Variants in AFF3 observed in about 807,000 individuals in gnomAD.
The protein encoded by AFF3 is AF4/FMR2 family member 3.
A neutral mutation model predicts 129.7 loss-of-function variants in AFF3; 32 were observed. The ratio of observed to expected loss-of-function variants is 0.25; its 90% confidence interval spans 0.19 to 0.33. The LOEUF (loss-of-function observed/expected upper bound fraction) is 0.33, where lower values mean the gene tolerates loss of function less well. AFF3 is among the 10% of genes least tolerant of loss of function. AFF3 has a pLI of 1.00. For missense variants in AFF3, 1,373 were observed against 1,592.0 expected (o/e 0.86, Z 2.34); for synonymous variants, 644 against 635.4 (o/e 1.01, Z -0.20).
chr2:100,006,806 C>T lies in AFF3; in HGVS notation c.699G>A (p.Ala233=), dbSNP rs749652366. The T allele has an allele frequency of 2.0e-5, 33 of 1,614,094 alleles. No homozygotes were observed. The highest frequency in any genetic ancestry group is 1.0e-4 in the Admixed American group (6 of 60,012). ...KPSLVQQKPT[A]YVRPMDGQDQ... ...CTTGGCCGTCCATTGGCCTCACATA[C>T]GCGGTCGGTTTCTGCTGGACCAGGC... The change falls in exon 7 of 25, where the codon GCG becomes GCA. Residue 233 remains alanine (A), a synonymous_variant. Transcript: ENST00000672756.
At chr2:99,688,087 C>T (rs1675248876) in intron 11 of AFF3, among the ~76,000 whole-genome samples, 1 of 152,178 alleles carries the variant, frequency 6.6e-6, no homozygotes, top group African/African-American at 2.4e-5. Context: ...CGTGATCCGC[C>T]CGCCTCGGCC....
At chr2:100,117,638 A>G (rs1474971506) in intron 2 of AFF3, among the ~76,000 whole-genome samples, 1 of 152,222 alleles carries the variant, frequency 6.6e-6, no homozygotes, top group Non-Finnish European at 1.5e-5. Context: ...TTCTGCTGAC[A>G]ACATTTCATT....
At chr2:99,978,616 T>A (rs1315862833) in intron 7 of AFF3, among the ~76,000 whole-genome samples, 1 of 152,022 alleles carries the variant, frequency 6.6e-6, no homozygotes, top group Non-Finnish European at 1.5e-5. Flanking sequence ...CACTATAATC[T>A]CACTATCTGT....
intron 11 of AFF3, among the ~76,000 whole-genome samples, chr2:99,697,185 G>T (rs757858474): frequency 6.6e-6 from 1 of 152,212 alleles, no homozygotes; most frequent in East Asian, 1.9e-4. Context: ...AAGCTGGCGA[G>T]GGCGTGTTTT....
chr2:99,969,642 C>T (rs892461870), intron 7 of AFF3, among the ~76,000 whole-genome samples: 5 of 152,016 alleles, frequency 3.3e-5, no homozygotes, highest in African/African-American at 1.2e-4. Flanking sequence ...GTGCCTGCCA[C>T]CCCACCCAGG....
At chr2:99,895,807 G>A (rs572609014) in intron 7 of AFF3, among the ~76,000 whole-genome samples, 3 of 152,218 alleles carry the variant, frequency 2.0e-5, no homozygotes, top group South Asian at 2.1e-4. Flanking sequence ...GGTGGCTCAC[G>A]CCTGGAATCC....
At chr2:99,788,549 C>T (rs962859968) in intron 8 of AFF3, among the ~76,000 whole-genome samples, 1 of 152,104 alleles carries the variant, frequency 6.6e-6, no homozygotes, top group Non-Finnish European at 1.5e-5. Flanking sequence ...GTTGTTTGTG[C>T]TTAAACTAAG....
At chr2:100,105,663 C>G (rs569795398) in intron 2 of AFF3, 80 bp from the exon 3 acceptor site, 4 of 1,346,386 alleles carry the variant, frequency 3.0e-6, no homozygotes, top group African/African-American at 3.0e-5. Context: ...GCTCTTCCCC[C>G]TGGCTTACTT....
rs544541679 is a variant in AFF3 at position 99,557,373 on chromosome 2, G to A, written c.3285+1502C>T. 9.3e-5 allele frequency among the ~76,000 whole-genome samples: 14 copies of A among 149,982 alleles called. 1 individual carries two copies. Among genetic ancestry groups the A allele is most frequent in the Admixed American group, 2.0e-4 (3 of 14,956 alleles). Reference sequence around the variant, plus strand: ...CTGCTCACTGCAACCTCTGCCTCCCGGGTTCAAACGATTCTCGTGCCTCAG... The same window carrying A: ...CTGCTCACTGCAACCTCTGCCTCCCAGGTTCAAACGATTCTCGTGCCTCAG... On this transcript the variant is annotated intron_variant, in intron 22 of 24. Transcript: ENST00000672756.
At chr2:99,864,325 A>T (rs1416668470) in intron 7 of AFF3, among the ~76,000 whole-genome samples, 1 of 152,194 alleles carries the variant, frequency 6.6e-6, no homozygotes, top group East Asian at 1.9e-4. Context: ...AAAAGTCCCT[A>T]CATGTACCAC....
chr2:100,122,737 T>C (rs1183071378), intron 2 of AFF3, among the ~76,000 whole-genome samples: 2 of 152,232 alleles, frequency 1.3e-5, no homozygotes, highest in African/African-American at 4.8e-5. Flanking sequence ...TTTTCTAAAA[T>C]GAGCATTTCC....
chr2:99,672,328 A>C (rs773964029), intron 12 of AFF3, among the ~76,000 whole-genome samples: 7 of 152,188 alleles, frequency 4.6e-5, no homozygotes, highest in Non-Finnish European at 8.8e-5. Flanking sequence ...TCTCAATATC[A>C]TAAAAAATTA....
At chr2:99,930,078 A>C (rs906544397) in intron 7 of AFF3, among the ~76,000 whole-genome samples, 1 of 152,198 alleles carries the variant, frequency 6.6e-6, no homozygotes, top group African/African-American at 2.4e-5. Context: ...GAAAACACTG[A>C]TTCTGGGCTA....
chr2:99,587,869 G>T (rs1052315139), intron 15 of AFF3, among the ~76,000 whole-genome samples: 4 of 151,964 alleles, frequency 2.6e-5, no homozygotes, highest in Non-Finnish European at 5.9e-5. Flanking sequence ...AATTAGCCAG[G>T]TGTGGTGGTG....
At chr2:99,711,038 C>T (rs1677842152) in intron 11 of AFF3, among the ~76,000 whole-genome samples, 1 of 152,128 alleles carries the variant, frequency 6.6e-6, no homozygotes, top group Non-Finnish European at 1.5e-5. Context: ...GCGACAGGAG[C>T]CAGGCTTCCT....
At chr2:99,932,021 C>T (rs1696706543) in intron 7 of AFF3, among the ~76,000 whole-genome samples, 1 of 152,136 alleles carries the variant, frequency 6.6e-6, no homozygotes, top group Admixed American at 6.5e-5. Flanking sequence ...TTAAATGGCA[C>T]AGACTTTTTA....
At chr2:99,717,209 T>A (rs1012838796) in intron 11 of AFF3, among the ~76,000 whole-genome samples, 2 of 152,244 alleles carry the variant, frequency 1.3e-5, no homozygotes, top group Non-Finnish European at 2.9e-5. Context: ...CGAATCTTTT[T>A]AATGAATATG....
chr2:100,027,362 G>A (rs571973947), intron 4 of AFF3, among the ~76,000 whole-genome samples: 2 of 152,316 alleles, frequency 1.3e-5, no homozygotes, highest in South Asian at 2.1e-4. Context: ...CTGACACCAG[G>A]CCTGGGGGCT....
chr2:99,936,365 C>A (rs1020891729), intron 7 of AFF3, among the ~76,000 whole-genome samples: 1 of 152,068 alleles, frequency 6.6e-6, no homozygotes, highest in African/African-American at 2.4e-5. Flanking sequence ...ACCTGGCCTG[C>A]TTTGATGATG....
Sources: allele counts gnomAD v4.1 joint callset (sites outside exome capture counted in the v4.1 genomes callset), GRCh38; gene constraint gnomAD v4.1.1; transcripts MANE v1.5; gene names NCBI Gene and HGNC (gene_info 2026-07-23, HGNC 2026-07-21).